MOB3B: variants seen among roughly 807,000 people sequenced by gnomAD.
MOB3B encodes MOB kinase activator 3B.
MOB3B carries 7 observed loss-of-function variants against 18.7 expected under a neutral mutation model. That is an observed-to-expected ratio of 0.37 (90% CI 0.21 to 0.70). MOB3B has a LOEUF of 0.70. MOB3B is among the 30% of genes least tolerant of loss of function. MOB3B has a pLI of 0.52. For missense variants in MOB3B, 253 were observed against 281.3 expected, an observed-to-expected ratio of 0.90 and a Z score of 0.72; for synonymous variants, 111 against 99.9, an observed-to-expected ratio of 1.11 and a Z score of -0.66.
chr9:27,506,746 G>A (rs1408477778), intron 1 of MOB3B, among the ~76,000 whole-genome samples: 1 of 151,484 alleles, frequency 6.6e-6, no homozygotes, highest in African/African-American at 2.4e-5. Flanking sequence ...TAGCCAGGAT[G>A]GTCTCGATCT....
At chr9:27,358,553 C>T (rs913436079) in intron 3 of MOB3B, among the ~76,000 whole-genome samples, 10 of 152,196 alleles carry the variant, frequency 6.6e-5, no homozygotes, top group African/African-American at 2.4e-4. Flanking sequence ...TAGGGCTTAA[C>T]TTCTGTCACT....
intron 1 of MOB3B, among the ~76,000 whole-genome samples, chr9:27,475,893 C>G (rs1210392984): frequency 6.6e-6 from 1 of 152,240 alleles, no homozygotes; most frequent in African/African-American, 2.4e-5. Context: ...GTTGCACTGC[C>G]TCCACTTCTG....
In MOB3B at chr9:27,330,639, T is replaced by C. The variant is rs375536096; in HGVS notation, c.622-23A>G. ...TTTCTGGAAAGCAAGGGGAAAAGGA[T>C]GGTTAGGAGAAACTATAAGCAGAGC... On this transcript the variant is annotated intron_variant, in intron 3 of 3. Coordinates refer to ENST00000262244, the MANE Select transcript of MOB3B (RefSeq NM_024761.5). 40 of 1,613,892 alleles carry C rather than the reference T, an allele frequency of 2.5e-5. No individual in the cohort carries two copies. In the African/African-American group the frequency reaches 5.1e-4, roughly 20 times the overall value.
chr9:27,378,444 T>C (rs1445411126), intron 2 of MOB3B: 1 of 471,382 alleles, frequency 2.1e-6, no homozygotes, highest in East Asian at 6.9e-5. Flanking sequence ...GTTCCCTCAA[T>C]GATGTGGCCA....
chr9:27,349,461 T>G (rs895413973), intron 3 of MOB3B, among the ~76,000 whole-genome samples: 10 of 152,210 alleles, frequency 6.6e-5, no homozygotes, highest in Admixed American at 2.0e-4. Context: ...GAATCTAATC[T>G]TATCTGGCCG....
chr9:27,433,805 G>A (rs1198922175), intron 2 of MOB3B, among the ~76,000 whole-genome samples: 1 of 152,108 alleles, frequency 6.6e-6, no homozygotes, highest in African/African-American at 2.4e-5. Flanking sequence ...CTAAACTACT[G>A]AATCACTGCC....
chr9:27,336,641 A>G (rs1820867777), intron 3 of MOB3B, among the ~76,000 whole-genome samples: 1 of 152,112 alleles, frequency 6.6e-6, no homozygotes, highest in Non-Finnish European at 1.5e-5. Context: ...TCTCAGGGCC[A>G]CATCTGACAT....
chr9:27,468,728 A>G lies in MOB3B; in HGVS notation c.-198-12980T>C, dbSNP rs575913966. 2.0e-5 allele frequency among the ~76,000 whole-genome samples: 3 copies of G among 152,350 alleles called. No individual in the cohort carries two copies. In the South Asian group the frequency reaches 6.2e-4, roughly 32 times the overall value. ...GTAACTTTTTGTGGTTAAACTGTGT[A>G]TCTAAATGATTGTTAATCAAATACC... On this transcript the variant is annotated intron_variant, in intron 1 of 3. Transcript: ENST00000262244.
chr9:27,363,374 T>G lies in MOB3B; in HGVS notation c.419-4138A>C, dbSNP rs1303998348. ...AGCTCCGCCTCCCAGGTTCATGCCATTCTCCTGCCTCAGCCTCCCAAGTAG... is the reference window on the plus strand; with the variant it reads ...AGCTCCGCCTCCCAGGTTCATGCCAGTCTCCTGCCTCAGCCTCCCAAGTAG... On this transcript the variant is annotated intron_variant, in intron 2 of 3. Transcript: ENST00000262244. Among the ~76,000 whole-genome samples the G allele has an allele frequency of 2.0e-5, 3 of 152,158 alleles. No homozygotes were observed. In the East Asian group the frequency reaches 5.8e-4, roughly 29 times the overall value.
intron 1 of MOB3B, among the ~76,000 whole-genome samples, chr9:27,513,718 G>A (rs2814708): frequency 2.3e-4 from 35 of 151,946 alleles, no homozygotes; most frequent in Middle Eastern, 3.2e-3. Flanking sequence ...TCACCTCCCC[G>A]AGTTACCTTC....
chr9:27,460,691 G>A (rs1262748137), intron 1 of MOB3B, among the ~76,000 whole-genome samples: 2 of 152,146 alleles, frequency 1.3e-5, no homozygotes, highest in Non-Finnish European at 2.9e-5. Context: ...TCTGTGAGGT[G>A]GAGGACTCCT....
intron 2 of MOB3B, 82 bp from the exon 3 acceptor site, chr9:27,359,318 G>C: frequency 8.1e-7 from 1 of 1,227,828 alleles, no homozygotes; most frequent in Non-Finnish European, 1.2e-6. Context: ...AAAACTGTCT[G>C]AGGGCAATGC....
At chr9:27,427,843 C>A (rs985125308) in intron 2 of MOB3B, among the ~76,000 whole-genome samples, 9 of 152,118 alleles carry the variant, frequency 5.9e-5, no homozygotes, top group African/African-American at 1.7e-4. Context: ...TTTGGTGAGG[C>A]CTTTGCTTCC....
Position 27,529,584 on chromosome 9 carries a change from G to C in MOB3B, c.-228C>G. 4 of 985,750 alleles carry C rather than the reference G, an allele frequency of 4.1e-6. No individual in the cohort carries two copies. The highest frequency in any genetic ancestry group is 4.8e-6 in the Non-Finnish European group (4 of 830,194). The allele number at this position is 985,750 out of a possible 1,614,324, so 61.1% of individuals were successfully genotyped here. ...GGGTTTTACCTCCAGCCCAGGGCCC[G>C]GTCGGCTCCCTTCGCCGGGTCAGCT... On this transcript the variant is annotated 5_prime_UTR_variant, in exon 1 of 4. Transcript: ENST00000262244.
At chr9:27,467,675 G>A (rs1373468116) in intron 1 of MOB3B, among the ~76,000 whole-genome samples, 9 of 152,212 alleles carry the variant, frequency 5.9e-5, no homozygotes, top group African/African-American at 2.2e-4. Context: ...TCACTTAGTT[G>A]GCAAACCGCA....
At chr9:27,520,558 T>A (rs1167231276) in intron 1 of MOB3B, among the ~76,000 whole-genome samples, 1 of 152,234 alleles carries the variant, frequency 6.6e-6, no homozygotes, top group Non-Finnish European at 1.5e-5. Context: ...GACCAGTGAC[T>A]GATCATTCAA....
chr9:27,343,347 C>A (rs1032864325), intron 3 of MOB3B, among the ~76,000 whole-genome samples: 2 of 151,310 alleles, frequency 1.3e-5, no homozygotes, highest in Non-Finnish European at 2.9e-5. Context: ...CGGAAGGCCG[C>A]GGGGTCCTCT....
At chr9:27,496,252 C>CA (rs1346052871) in intron 1 of MOB3B, among the ~76,000 whole-genome samples, 3 of 152,162 alleles carry the variant, frequency 2.0e-5, no homozygotes, top group African/African-American at 7.2e-5. Context: ...CCAAGTAAAC[C>CA]ACTATAGCAA....
At chr9:27,382,292 T>C (rs1003875878) in intron 2 of MOB3B, among the ~76,000 whole-genome samples, 2 of 152,174 alleles carry the variant, frequency 1.3e-5, no homozygotes, top group Admixed American at 1.3e-4. Flanking sequence ...CCCAGCTGTG[T>C]GGAACAACCA....
Sources: gnomAD v4.1 joint callset for allele counts (sites outside exome capture counted in the v4.1 genomes callset) on GRCh38, gnomAD v4.1.1 for gene constraint, MANE v1.5 for transcripts, NCBI Gene and HGNC (gene_info 2026-07-23, HGNC 2026-07-21) for gene names.